The following PCDHA8 variants were observed in gnomAD, a reference collection of about 807,000 sequenced individuals.
The protein encoded by PCDHA8 is protocadherin alpha-8.
A neutral mutation model predicts 61.8 loss-of-function variants in PCDHA8; 53 were observed. The observed-to-expected ratio is 0.86, with a 90% confidence interval of 0.69 to 1.08. PCDHA8 has a LOEUF of 1.08. Among genes scored for constraint, PCDHA8 ranks in the 50% least tolerant of loss-of-function variants. The pLI is 0.00. For missense variants in PCDHA8, 1,293 were observed against 1,245.0 expected, an observed-to-expected ratio of 1.04 and a Z score of -0.58; for synonymous variants, 618 against 556.6, an observed-to-expected ratio of 1.11 and a Z score of -1.55.
chr5:140,930,859 G>GAT lies in PCDHA8; in HGVS notation c.2395-48089_2395-48088dup, dbSNP rs1554208143. On this transcript the variant is annotated intron_variant, in intron 1 of 3. Transcript: ENST00000531613. ...AATAAATATGTGCATATATGAATTG[G>GAT]ATGGTAACACTGTTCAACACAGAGG... Among the ~76,000 whole-genome samples, 803 of 152,288 alleles carry GAT rather than the reference G, an allele frequency of 5.3e-3. 3 individuals are homozygous for GAT. Among genetic ancestry groups the GAT allele is most frequent in the Non-Finnish European group, 8.4e-3 (568 of 68,020 alleles).
At chr5:140,966,447 C>T (rs373859357) in intron 1 of PCDHA8, 40 of 425,326 alleles carry the variant, frequency 9.4e-5, no homozygotes, top group Middle Eastern at 5.8e-4. Context: ...CTCCCTTTCC[C>T]CCTCCCCCTC....
At chr5:141,008,961 A>G (rs2098395078) in intron 3 of PCDHA8, among the ~76,000 whole-genome samples, 1 of 152,214 alleles carries the variant, frequency 6.6e-6, no homozygotes, top group Non-Finnish European at 1.5e-5. Context: ...ACATCCTAAT[A>G]CATTTATAGC....
Position 140,843,034 on chromosome 5 carries a change from T to C in PCDHA8, c.1713T>C (p.Gly571=), listed in dbSNP as rs2150350687. 5.0e-6 allele frequency: 8 copies of C among 1,594,860 alleles called. 1 individual carries two copies. The African/African-American group carries it at 1.1e-4, about 21-fold the overall frequency. The stretch of plus-strand genomic sequence containing the variant: ...CGGCACTGCTGGAGCCTCGGGTGGG[T>C]GGCACTGGTGGCGCAGCGAGCAAGC... ...NAPALLEPRV[G]GTGGAASKLV... Residue 571 remains glycine (G), a synonymous_variant, in exon 1 of 4, where the codon GGT becomes GGC. Transcript: ENST00000531613.
At chr5:140,870,977 T>C in intron 1 of PCDHA8, 2 of 1,613,584 alleles carry the variant, frequency 1.2e-6, no homozygotes. Context: ...CGCGTGGGGC[T>C]GTACACGGGC....
rs1333608076 is a variant in PCDHA8, at chr5:140,848,470, A to C, written c.2394+4755A>C. Reference sequence around the variant, plus strand: ...TTCTAATTTGGAGGCAATTTTCACTAATTAGAAGAAGACTGAGTATTTGAA... The same window carrying C: ...TTCTAATTTGGAGGCAATTTTCACTCATTAGAAGAAGACTGAGTATTTGAA... On this transcript the variant is annotated intron_variant, in intron 1 of 3. Coordinates refer to ENST00000531613, the MANE Select transcript of PCDHA8 (RefSeq NM_018911.3). 3 of 1,552,738 alleles carry C rather than the reference A, an allele frequency of 1.9e-6. No individual in the cohort carries two copies. In the East Asian group the frequency reaches 6.7e-5, roughly 35 times the overall value.
At chr5:140,982,660 T>C (rs2096994626) in intron 3 of PCDHA8, 97 bp downstream of exon 3, 2 of 1,482,562 alleles carry the variant, frequency 1.3e-6, no homozygotes, top group South Asian at 2.7e-5. Context: ...CTCTTTTTCT[T>C]TTATATTTTT....
intron 1 of PCDHA8, among the ~76,000 whole-genome samples, chr5:140,844,649 T>G (rs1416986157): frequency 6.7e-6 from 1 of 149,658 alleles, no homozygotes; most frequent in Non-Finnish European, 1.5e-5. Flanking sequence ...AATTTCATTC[T>G]TGCAAACCAA....
chr5:140,869,837 C>A (rs374182289), intron 1 of PCDHA8: 48 of 1,611,366 alleles, frequency 3.0e-5, no homozygotes, highest in Non-Finnish European at 3.6e-5. Flanking sequence ...TTTGATAAAT[C>A]AGAATATAAG....
intron 1 of PCDHA8, chr5:140,877,144 G>A (rs543806401): frequency 1.9e-6 from 3 of 1,613,772 alleles, no homozygotes; most frequent in South Asian, 2.2e-5. Context: ...CGTGCTGGAC[G>A]AGAACGACAA....
chr5:140,854,522 C>T (rs1554147313), intron 1 of PCDHA8: 1 of 149,908 alleles, frequency 6.7e-6, no homozygotes. Flanking sequence ...GATTAAGTGA[C>T]ACCCATTTCT....
chr5:140,928,570 C>A (rs2085340367), intron 1 of PCDHA8: 1 of 1,614,196 alleles, frequency 6.2e-7, no homozygotes, highest in South Asian at 1.1e-5. Flanking sequence ...GTTTCCCTTG[C>A]CCAGAAATGG....
chr5:140,970,854 T>G (rs2096437899), intron 1 of PCDHA8, among the ~76,000 whole-genome samples: 1 of 152,148 alleles, frequency 6.6e-6, no homozygotes, highest in Non-Finnish European at 1.5e-5. Flanking sequence ...GCACAAAAGT[T>G]CCATTCCTGA....
chr5:141,000,419 A>ATTTTT (rs1563652468), intron 3 of PCDHA8, among the ~76,000 whole-genome samples: 15 of 60,994 alleles, frequency 2.5e-4, no homozygotes, highest in East Asian at 5.4e-4. Flanking sequence ...ATATATATAT[A>ATTTTT]TATTTTTTTT....
At chr5:140,915,244 G>A (rs1440851135) in intron 1 of PCDHA8, among the ~76,000 whole-genome samples, 2 of 152,058 alleles carry the variant, frequency 1.3e-5, no homozygotes, top group Non-Finnish European at 2.9e-5. Flanking sequence ...ACCATGCCTG[G>A]CCAGGTTGTT....
chr5:140,881,886 C>G (rs2058857922), intron 1 of PCDHA8, among the ~76,000 whole-genome samples: 1 of 152,170 alleles, frequency 6.6e-6, no homozygotes, highest in African/African-American at 2.4e-5. Flanking sequence ...AACTCATCAA[C>G]CAATTGTCAG....
chr5:140,929,460 C>A, intron 1 of PCDHA8: 1 of 1,331,154 alleles, frequency 7.5e-7, no homozygotes, highest in Non-Finnish European at 1.0e-6. Context: ...ACTTCCTGTG[C>A]CAAGAAATCT....
chr5:140,858,255 C>A, intron 1 of PCDHA8: 1 of 1,596,962 alleles, frequency 6.3e-7, no homozygotes, highest in Non-Finnish European at 8.6e-7. Context: ...GTGAAGCCCA[C>A]GCTGGTGTGC....
chr5:140,940,509 C>T lies in PCDHA8; in HGVS notation c.2395-38440C>T, dbSNP rs556405860. ...GACAAGTCTTGCTCCGTCGCTCAGG[C>T]GTGATCATAGCTCACTGCAATCTTG... On this transcript the variant is annotated intron_variant, in intron 1 of 3. Coordinates refer to ENST00000531613, the MANE Select transcript of PCDHA8 (RefSeq NM_018911.3). 2.0e-5 allele frequency among the ~76,000 whole-genome samples: 3 copies of T among 152,086 alleles called. No individual in the cohort carries two copies. In the South Asian group the frequency reaches 6.2e-4, roughly 32 times the overall value.
chr5:140,848,458 G>A lies in PCDHA8; in HGVS notation c.2394+4743G>A, dbSNP rs2150410846. 52 of 1,529,436 alleles carry A rather than the reference G, an allele frequency of 3.4e-5. 3 individuals are homozygous for A. The South Asian group carries it at 5.9e-4, about 17-fold the overall frequency. The allele number at this position is 1,529,436 out of a possible 1,614,324, so 94.7% of individuals were successfully genotyped here. ...TCAGATGATTTCTTCTAATTTGGAG[G>A]CAATTTTCACTAATTAGAAGAAGAC... On this transcript the variant is annotated intron_variant, in intron 1 of 3. Transcript: ENST00000531613.
Sources: allele counts gnomAD v4.1 joint callset (sites outside exome capture counted in the v4.1 genomes callset), GRCh38; gene constraint gnomAD v4.1.1; transcripts MANE v1.5; gene names NCBI Gene and HGNC (gene_info 2026-07-23, HGNC 2026-07-21).